The following BCAS3 variants were observed in gnomAD, a reference collection of about 807,000 sequenced individuals.
The protein encoded by BCAS3 is BCAS3 microtubule associated cell migration factor, also known as BCAS4/BCAS3 fusion.
In BCAS3, 53 loss-of-function variants were observed where a neutral mutation model predicts 116.1. The ratio of observed to expected loss-of-function variants is 0.46; its 90% CI spans 0.37 to 0.57. The LOEUF (loss-of-function observed/expected upper bound fraction) is 0.57. BCAS3 is among the 20% of genes least tolerant of loss of function. The pLI is 0.00. For missense variants in BCAS3, 917 were observed against 1,165.4 expected (o/e 0.79, Z 3.10); for synonymous variants, 391 against 408.2 (o/e 0.96, Z 0.51).
intron 13 of BCAS3, among the ~76,000 whole-genome samples, chr17:60,936,709 TG>T (rs2059948654): frequency 6.6e-6 from 1 of 152,220 alleles, no homozygotes; most frequent in Non-Finnish European, 1.5e-5. Context: ...TGGGGTTGTT[TG>T]TTTTTTTCTT....
At position 61,124,711 on chromosome 17, in the gene BCAS3, A is replaced by G. The variant is rs913901387; in HGVS notation, c.2425+40147A>G. Among the ~76,000 whole-genome samples the G allele has an allele frequency of 2.6e-5, 4 of 152,174 alleles. No homozygotes were observed. The highest frequency in any genetic ancestry group is 4.4e-5 in the Non-Finnish European group (3 of 68,030). On this transcript the variant is annotated intron_variant, in intron 22 of 23. Transcript: ENST00000407086. The surrounding 1 kb of genome is among the most constrained non-coding windows in gnomAD (Gnocchi z 4.6). ...AAAAAATGGTTATAGTTCATTTTCCATATATTACTCAGCATTATGGGTCTG... is the reference window on the plus strand; with the variant it reads ...AAAAAATGGTTATAGTTCATTTTCCGTATATTACTCAGCATTATGGGTCTG...
In BCAS3 at chr17:61,156,171, TAA is replaced by T. The variant is rs57589505; in HGVS notation, c.2425+71620_2425+71621del. Among the ~76,000 whole-genome samples, 613 of 140,884 alleles carry T rather than the reference TAA, an allele frequency of 4.4e-3. 5 individuals carry two copies. Among genetic ancestry groups the T allele is most frequent in the African/African-American group, 0.014 (554 of 38,616 alleles). The allele number at this position is 140,884 out of a possible 152,430, so 92.4% of individuals were successfully genotyped here. A position where few individuals can be genotyped will look rare whatever the true frequency, so the allele number is the denominator to read the frequency against. On this transcript the variant is annotated intron_variant, in intron 22 of 23. Coordinates refer to ENST00000407086, the MANE Select transcript of BCAS3 (RefSeq NM_017679.5). This position sits in a 1 kb window ranked among gnomAD's most constrained non-coding sequence, Gnocchi z 4.7. ...GAGAAAGACAGTCAGCCAGACACAT[TAA>T]AAAAAAAAAAAAGAAAAGTAAAATC...
rs957140984 is a variant in BCAS3 at position 61,313,869 on chromosome 17, C to T, written c.2426-54458C>T. Among the ~76,000 whole-genome samples, 1 of 152,196 alleles carries T rather than the reference C, an allele frequency of 6.6e-6. No individual in the cohort carries two copies. Among genetic ancestry groups the T allele is most frequent in the Non-Finnish European group, 1.5e-5 (1 of 68,050 alleles). On this transcript the variant is annotated intron_variant, in intron 22 of 23. Coordinates refer to ENST00000407086, the MANE Select transcript of BCAS3 (RefSeq NM_017679.5). The surrounding 1 kb of genome is among the most constrained non-coding windows in gnomAD (Gnocchi z 4.3). ...CAATGCCGCGGAGCCAGTGACCACA[C>T]GTGGGCCTGCTGTCTCCTCCACCAG...
At chr17:61,174,674 GT>G (rs1568508003) in intron 22 of BCAS3, among the ~76,000 whole-genome samples, 1 of 152,104 alleles carries the variant, frequency 6.6e-6, no homozygotes. Context: ...TATATACCCA[GT>G]TTCAGGATTG....
chr17:60,748,465 G>T (rs2042184819), intron 6 of BCAS3, among the ~76,000 whole-genome samples: 1 of 151,892 alleles, frequency 6.6e-6, no homozygotes, highest in South Asian at 2.1e-4. Flanking sequence ...TCTGTTTTTT[G>T]TTGCATTTGT....
chr17:60,929,190 TG>T (rs1156741289), intron 13 of BCAS3, among the ~76,000 whole-genome samples: 1 of 152,114 alleles, frequency 6.6e-6, no homozygotes, highest in Non-Finnish European at 1.5e-5. Context: ...GAGGCTGAGA[TG>T]GGGGGACCAA....
chr17:60,747,284 G>A lies in BCAS3; in HGVS notation c.403+5G>A. On this transcript the variant is annotated splice_donor_5th_base_variant and intron_variant, in intron 6 of 23. Transcript: ENST00000407086. The stretch of plus-strand genomic sequence containing the variant: ...TCTTGCCTGCTCCACAGTTTGGTGA[G>A]TGTAGTCCTTAAGAAAAGAATCTTT... The A allele has an allele frequency of 6.2e-7, 1 of 1,601,520 alleles. No homozygotes were observed. Among genetic ancestry groups the A allele is most frequent in the Non-Finnish European group, 8.5e-7 (1 of 1,170,166 alleles).
intron 13 of BCAS3, among the ~76,000 whole-genome samples, chr17:60,926,947 AC>A (rs2059393583): frequency 6.6e-6 from 1 of 152,218 alleles, no homozygotes; most frequent in African/African-American, 2.4e-5. Context: ...TTGCTGGGAC[AC>A]TAGGTTTATA....
intron 13 of BCAS3, among the ~76,000 whole-genome samples, chr17:60,930,371 T>C (rs2059582332): frequency 6.6e-6 from 1 of 152,244 alleles, no homozygotes; most frequent in Non-Finnish European, 1.5e-5. Context: ...TGATTTTTGT[T>C]TTTAAAGCTG....
intron 7 of BCAS3, among the ~76,000 whole-genome samples, chr17:60,840,386 T>C (rs2051790712): frequency 1.3e-5 from 2 of 152,192 alleles, no homozygotes; most frequent in African/African-American, 4.8e-5. Flanking sequence ...AGCTGAAGTA[T>C]TCAACATCAA....
intron 14 of BCAS3, among the ~76,000 whole-genome samples, chr17:60,952,112 A>G (rs1196979278): frequency 6.6e-6 from 1 of 152,028 alleles, no homozygotes; most frequent in African/African-American, 2.4e-5. Flanking sequence ...ATTTGAATTA[A>G]TTCATGAGCT....
At position 61,028,511 on chromosome 17, in the gene BCAS3, A is replaced by T. The variant is rs922121523; in HGVS notation, c.1638-6155A>T. Among the ~76,000 whole-genome samples, 8 of 151,916 alleles carry T rather than the reference A, an allele frequency of 5.3e-5. No individual in the cohort carries two copies. The highest frequency in any genetic ancestry group is 1.9e-4 in the African/African-American group (8 of 41,446). ...TAAACTTAGAATTAAATTCCATTTTAGGATAAATTCTTCTTCTAAGTACAA... is the reference window on the plus strand; with the variant it reads ...TAAACTTAGAATTAAATTCCATTTTTGGATAAATTCTTCTTCTAAGTACAA... On this transcript the variant is annotated intron_variant, in intron 16 of 23. Coordinates refer to ENST00000407086, the MANE Select transcript of BCAS3 (RefSeq NM_017679.5). The surrounding 1 kb of genome is among the most constrained non-coding windows in gnomAD (Gnocchi z 4.3).
intron 22 of BCAS3, among the ~76,000 whole-genome samples, chr17:61,143,607 C>T (rs959779513): frequency 3.3e-5 from 5 of 151,762 alleles, no homozygotes; most frequent in East Asian, 1.9e-4. Context: ...GTCAGGAGTT[C>T]GAGACCAGCT....
chr17:60,919,671 T>TA (rs2058969200), intron 12 of BCAS3, among the ~76,000 whole-genome samples: 1 of 143,282 alleles, frequency 7.0e-6, no homozygotes, highest in Non-Finnish European at 1.5e-5. Flanking sequence ...CTTTTTCCTG[T>TA]GTGTTTTTTT....
intron 22 of BCAS3, among the ~76,000 whole-genome samples, chr17:61,298,609 G>A (rs183914338): frequency 9.3e-4 from 141 of 152,028 alleles, no homozygotes; most frequent in Non-Finnish European, 1.0e-3. Flanking sequence ...AGAGATCCTC[G>A]GGAAGGCCCA....
intron 22 of BCAS3, among the ~76,000 whole-genome samples, chr17:61,109,554 C>T (rs1200121227): frequency 6.6e-6 from 1 of 152,214 alleles, no homozygotes; most frequent in African/African-American, 2.4e-5. Context: ...TACAAGCTTA[C>T]ATTCCCACCA....
chr17:60,851,761 C>T (rs2053190268), intron 7 of BCAS3: 1 of 978,188 alleles, frequency 1.0e-6, no homozygotes, highest in Non-Finnish European at 1.6e-6. Context: ...TATACCATGT[C>T]TTATCAGTGG....
In BCAS3 at chr17:61,064,311, T is replaced by TA. The variant is rs532113674; in HGVS notation, c.2030-10597dup. On this transcript the variant is annotated intron_variant, in intron 19 of 23. Coordinates refer to ENST00000407086, the MANE Select transcript of BCAS3 (RefSeq NM_017679.5). ...GGTCAGCATAGCGATACCTATCTCT[T>TA]AAAAAAAAAAAAGTATACTTGGACT... Among the ~76,000 whole-genome samples, 642 of 146,360 alleles carry TA rather than the reference T, an allele frequency of 4.4e-3. 10 individuals are homozygous for TA. The South Asian group carries it at 0.048, about 11-fold the overall frequency.
intron 7 of BCAS3, among the ~76,000 whole-genome samples, chr17:60,823,632 AG>A (rs2050142403): frequency 1.3e-5 from 2 of 152,190 alleles, no homozygotes; most frequent in South Asian, 4.1e-4. Flanking sequence ...GAATAAGAGA[AG>A]TTAATTCTCT....
Sources: gnomAD v4.1 joint callset for allele counts (sites outside exome capture counted in the v4.1 genomes callset) on GRCh38, gnomAD v4.1.1 for gene constraint, Gnocchi (gnomAD v3.1) non-coding constraint, MANE v1.5 for transcripts, NCBI Gene and HGNC (gene_info 2026-07-23, HGNC 2026-07-21) for gene names.